Variants in TENM3 observed in about 807,000 individuals in gnomAD.
TENM3 encodes the protein teneurin-3.
A neutral mutation model predicts 255.1 loss-of-function variants in TENM3; 63 were observed. The observed-to-expected ratio is 0.25, with a 90% CI of 0.20 to 0.30. The LOEUF (loss-of-function observed/expected upper bound fraction) is 0.30. Ranked by LOEUF, TENM3 falls within the 10% of genes least tolerant of loss-of-function variation. The pLI is 1.00. For synonymous variants in TENM3, 1,306 were observed against 1,322.3 expected (o/e 0.99, Z 0.27); for missense variants, 2,929 against 3,461.1 (o/e 0.85, Z 3.86).
rs75535646 is a variant in TENM3, at chr4:182,567,670, T to G, written c.512-33254T>G. 3.9e-3 allele frequency among the ~76,000 whole-genome samples: 599 copies of G among 152,184 alleles called. 3 individuals are homozygous for G. The highest frequency in any genetic ancestry group is 0.014 in the African/African-American group (575 of 41,540). ...ACTCTCTCATCTCTTCCATTCAGTC[T>G]TTGCTCAATGTTCCTGCTTAAAATT... On this transcript the variant is annotated intron_variant, in intron 3 of 27. Coordinates refer to ENST00000511685, the MANE Select transcript of TENM3 (RefSeq NM_001080477.4).
At chr4:182,761,447 GTCT>G (rs72457377) in intron 22 of TENM3, among the ~76,000 whole-genome samples, 27,608 of 151,806 alleles carry the variant, frequency 0.18, 3,217 homozygotes, top group East Asian at 0.57. Context: ...TTAGAGAGGT[GTCT>G]TCCACAGGAC....
chr4:182,662,233 A>G (rs1161955069), intron 6 of TENM3, among the ~76,000 whole-genome samples: 1 of 152,054 alleles, frequency 6.6e-6, no homozygotes, highest in Non-Finnish European at 1.5e-5. Flanking sequence ...CTGTTTTCAC[A>G]CTCTGACAAC....
chr4:182,285,561 C>T (rs1174962642), intron 1 of TENM3, among the ~76,000 whole-genome samples: 1 of 152,126 alleles, frequency 6.6e-6, no homozygotes, highest in Non-Finnish European at 1.5e-5. Context: ...TCTGTATGAC[C>T]TACAGATTGC....
chr4:181,511,867 G>T, the TENM3 span, among the ~76,000 whole-genome samples: 1 of 152,054 alleles, frequency 6.6e-6, no homozygotes, highest in Non-Finnish European at 1.5e-5. Context: ...CTTAAAATGG[G>T]ATAGAGACAA....
intron 4 of TENM3, among the ~76,000 whole-genome samples, chr4:182,621,404 C>T (rs529552474): frequency 6.6e-6 from 1 of 151,052 alleles, no homozygotes; most frequent in South Asian, 2.1e-4. Flanking sequence ...AAAAGTACCT[C>T]TTCTCTGTGA....
chr4:181,909,909 A>G, the TENM3 span, among the ~76,000 whole-genome samples: 3 of 152,192 alleles, frequency 2.0e-5, no homozygotes, highest in Admixed American at 6.5e-5. Flanking sequence ...TTTTATGTCA[A>G]TATATCCACT....
chr4:182,158,690 G>T lies in TENM3; in HGVS notation c.-76+13936G>T, dbSNP rs116540308. On this transcript the variant is annotated intron_variant, in intron 1 of 2. Coordinates refer to the TENM3 transcript ENST00000512480. ...CTATCCTTTGTCCTTGCCCATCCCTGTCTGCTTATCTCTCCATCTCTGCCT... is the reference window on the plus strand; with the variant it reads ...CTATCCTTTGTCCTTGCCCATCCCTTTCTGCTTATCTCTCCATCTCTGCCT... 7.5e-3 allele frequency among the ~76,000 whole-genome samples: 1,137 copies of T among 152,242 alleles called. 13 individuals carry two copies. Among genetic ancestry groups the T allele is most frequent in the African/African-American group, 0.026 (1,090 of 41,530 alleles).
At chr4:181,746,887 G>A in the TENM3 span, among the ~76,000 whole-genome samples, 1 of 151,928 alleles carries the variant, frequency 6.6e-6, no homozygotes, top group Non-Finnish European at 1.5e-5. Flanking sequence ...ACTTACGGGT[G>A]TGCCAAAATG....
At chr4:181,867,785 C>T in the TENM3 span, among the ~76,000 whole-genome samples, 2,178 of 152,266 alleles carry the variant, frequency 0.014, 29 homozygotes, top group African/African-American at 0.038. Context: ...TGCTTGGCAA[C>T]TCTAATGAGC....
At chr4:182,446,170 T>C (rs529484108) in intron 3 of TENM3, among the ~76,000 whole-genome samples, 88 of 152,368 alleles carry the variant, frequency 5.8e-4, no homozygotes, top group Non-Finnish European at 2.4e-4. Context: ...CTACTGCTAC[T>C]GCTCAGCTTC....
At chr4:181,676,720 T>G in the TENM3 span, among the ~76,000 whole-genome samples, 3 of 152,174 alleles carry the variant, frequency 2.0e-5, no homozygotes, top group African/African-American at 4.8e-5. Flanking sequence ...ATTATTTATT[T>G]GATTACAGGT....
chr4:181,605,544 A>AAG, the TENM3 span, among the ~76,000 whole-genome samples: 38 of 32,790 alleles, frequency 1.2e-3, 2 homozygotes, highest in African/African-American at 2.8e-3. Context: ...GAAAGAAAGA[A>AAG]AGAAAGAAAG....
At position 182,755,027 on chromosome 4, in the gene TENM3, A is replaced by G. The variant is rs1168611803; in HGVS notation, c.4660A>G (p.Thr1554Ala). The part of the protein sequence containing the change: ...NFSYSNDNDI[T>A]AVTDSNGNTL... ...TAGCTACAGCAATGACAATGATATT[A>G]CTGCTGTGACAGACAGCAATGGCAA... The change falls in exon 22 of 28, where the codon ACT becomes GCT. Residue 1554 changes from threonine (T) to alanine (A), a missense_variant. Physicochemically the swap from Thr to Ala is moderately conservative, Grantham distance 58 (BLOSUM62 0). Around this residue, in one of 6 missense-constraint regions of TENM3, gnomAD observed 1,608 missense variants for 1,884.4 expected, o/e 0.85. Coordinates refer to ENST00000511685, the MANE Select transcript of TENM3 (RefSeq NM_001080477.4). The G allele has an allele frequency of 6.2e-7, 1 of 1,614,036 alleles. No individual in the cohort carries two copies. The highest frequency in any genetic ancestry group is 1.6e-4 in the Middle Eastern group (1 of 6,062).
chr4:182,566,329 A>C (rs1743792200), intron 3 of TENM3, among the ~76,000 whole-genome samples: 1 of 152,190 alleles, frequency 6.6e-6, no homozygotes, highest in Non-Finnish European at 1.5e-5. Flanking sequence ...TGAGTTGTAC[A>C]TCTGTATCAA....
chr4:181,594,342 T>A, the TENM3 span, among the ~76,000 whole-genome samples: 1 of 152,232 alleles, frequency 6.6e-6, no homozygotes, highest in African/African-American at 2.4e-5. Context: ...TAACACTTTT[T>A]AAAAGTTATA....
At chr4:181,644,444 A>G in the TENM3 span, among the ~76,000 whole-genome samples, 2 of 151,824 alleles carry the variant, frequency 1.3e-5, no homozygotes, top group Non-Finnish European at 2.9e-5. Flanking sequence ...AAAAAAAAAA[A>G]ATACTATAAG....
intron 4 of TENM3, among the ~76,000 whole-genome samples, chr4:182,605,485 T>TA (rs10676569): frequency 0.45 from 63,995 of 142,240 alleles, 16,475 homozygotes; most frequent in African/African-American, 0.71. Flanking sequence ...ATCATTTATT[T>TA]AAAAAAAAAA....
At chr4:181,525,396 C>CAAAAAAAAAAGAAAAAAAAAAA in the TENM3 span, among the ~76,000 whole-genome samples, 1 of 97,316 alleles carries the variant, frequency 1.0e-5, no homozygotes, top group South Asian at 3.9e-4. Context: ...GACCCTGTTT[C>CAAAAAAAAAAGAAAAAAAAAAA]AAAAAAAAAA....
the TENM3 span, among the ~76,000 whole-genome samples, chr4:182,002,923 C>T: frequency 6.6e-6 from 1 of 152,038 alleles, no homozygotes; most frequent in African/African-American, 2.4e-5. Flanking sequence ...TCGGCCTTGA[C>T]TCTTGACTTT....
Sources: allele counts gnomAD v4.1 joint callset (sites outside exome capture counted in the v4.1 genomes callset), GRCh38; gene constraint gnomAD v4.1.1; regional missense constraint gnomAD v4.1.1; transcripts MANE v1.5; gene names NCBI Gene and HGNC (gene_info 2026-07-23, HGNC 2026-07-21).